Variants in DDX31 observed in about 807,000 individuals in gnomAD.
DDX31 encodes ATP-dependent DNA helicase DDX31.
DDX31 carries 70 observed loss-of-function variants against 91.3 expected under a neutral mutation model. The ratio of observed to expected loss-of-function variants is 0.77; its 90% CI spans 0.63 to 0.94. DDX31 has a LOEUF of 0.94. Among genes scored for constraint, DDX31 ranks in the 40% least tolerant of loss-of-function variants. The pLI is 0.00. For synonymous variants in DDX31, 362 were observed against 350.6 expected (o/e 1.03, Z -0.36); for missense variants, 902 against 925.0 (o/e 0.98, Z 0.32).
chr9:132,632,517 T>C (rs1004449347), intron 14 of DDX31, among the ~76,000 whole-genome samples: 2 of 152,128 alleles, frequency 1.3e-5, no homozygotes, highest in Admixed American at 1.3e-4. Context: ...TTGATTTACA[T>C]TTTATCTGAA....
chr9:132,623,560 AAAAAAAAAG>A (rs1351374665), intron 17 of DDX31, among the ~76,000 whole-genome samples: 19 of 150,418 alleles, frequency 1.3e-4, no homozygotes, highest in African/African-American at 3.4e-4. Context: ...TCAAAAAAAA[AAAAAAAAAG>A]AAAAAAAAAA....
chr9:132,661,016 T>G, intron 4 of DDX31, 192 bp downstream of exon 4: 1 of 604,006 alleles, frequency 1.7e-6, no homozygotes, highest in Admixed American at 3.2e-5. Flanking sequence ...CAGAACTGGA[T>G]GGAAAGCCAG....
intron 18 of DDX31, among the ~76,000 whole-genome samples, chr9:132,614,144 A>C (rs1023438461): frequency 5.3e-5 from 8 of 152,170 alleles, no homozygotes; most frequent in African/African-American, 1.9e-4. Flanking sequence ...CAGTAATAAA[A>C]AGTGTCATTT....
intron 3 of DDX31, 119 bp from the exon 4 acceptor site, chr9:132,661,370 C>T (rs544232569): frequency 1.1e-6 from 1 of 884,900 alleles, no homozygotes; most frequent in East Asian, 2.6e-5. Flanking sequence ...AATTAAGTTC[C>T]TCCACCCAGG....
Position 132,661,209 on chromosome 9 carries a change from T to C in DDX31, c.451A>G (p.Ser151Gly), listed in dbSNP as rs1834915330. Residue 151 changes from serine to glycine, a missense_variant and splice_region_variant, in exon 4 of 20, where the codon AGT becomes GGT. Ser to Gly is a moderately conservative substitution (Grantham distance 56, BLOSUM62 0). Coordinates refer to ENST00000372159, the MANE Select transcript of DDX31 (RefSeq NM_022779.9). ...TCAAGAGGAGCCTGAAGTTCTTACC[T>C]GGTCATACTAGACATTTTTAAGACC... ...NTVLKMSSMT[S>G]VQKQSIPVLL... 2 of 1,610,600 alleles carry C rather than the reference T, an allele frequency of 1.2e-6. No individual in the cohort carries two copies. Among genetic ancestry groups the C allele is most frequent in the Non-Finnish European group, 8.5e-7 (1 of 1,177,650 alleles).
chr9:132,642,796 T>C (rs1372020116), intron 13 of DDX31, among the ~76,000 whole-genome samples: 1 of 151,930 alleles, frequency 6.6e-6, no homozygotes, highest in African/African-American at 2.4e-5. Flanking sequence ...ATTATTTACG[T>C]GACCAATGTT....
intron 16 of DDX31, among the ~76,000 whole-genome samples, chr9:132,626,393 G>A (rs1057025058): frequency 7.2e-5 from 11 of 152,204 alleles, no homozygotes; most frequent in Admixed American, 7.2e-4. Flanking sequence ...AAGCCACAAG[G>A]AGCCAGAACA....
intron 16 of DDX31, 30 bp from the exon 17 acceptor site, chr9:132,625,775 T>G: frequency 6.3e-7 from 1 of 1,593,718 alleles, no homozygotes; most frequent in Non-Finnish European, 8.6e-7. Flanking sequence ...GCAAGGTAAC[T>G]TTTTGCTCTT....
intron 1 of DDX31, among the ~76,000 whole-genome samples, chr9:132,668,128 G>C (rs985369057): frequency 3.9e-5 from 6 of 152,090 alleles, no homozygotes; most frequent in African/African-American, 9.7e-5. Flanking sequence ...CACTTGGCTA[G>C]CTGGACTCCT....
chr9:132,642,095 A>C (rs1833539912), intron 13 of DDX31, 32 bp from the exon 14 acceptor site: 3 of 1,604,320 alleles, frequency 1.9e-6, no homozygotes, highest in Non-Finnish European at 2.6e-6. Flanking sequence ...GAGCCTTACA[A>C]CTCAGAGACA....
At chr9:132,612,361 G>T in intron 18 of DDX31, 106 bp from the exon 19 acceptor site, 2 of 1,275,970 alleles carry the variant, frequency 1.6e-6, no homozygotes, top group Non-Finnish European at 2.2e-6. Flanking sequence ...GCCAGGCAAC[G>T]AAACATGAGC....
chr9:132,609,530 A>G (rs1831207255), intron 19 of DDX31, among the ~76,000 whole-genome samples: 1 of 152,162 alleles, frequency 6.6e-6, no homozygotes, highest in Non-Finnish European at 1.5e-5. Flanking sequence ...TGCTAATGAA[A>G]TCTCCAGTCA....
intron 14 of DDX31, among the ~76,000 whole-genome samples, chr9:132,632,366 T>TAGGGGCAAATTCTAC: frequency 6.6e-6 from 1 of 151,006 alleles, no homozygotes; most frequent in South Asian, 2.1e-4. Context: ...AATTCTGATT[T>TAGGGGCAAATTCTAC]AGGGGCAAAT....
At chr9:132,653,901 T>C (rs983452173) in intron 6 of DDX31, among the ~76,000 whole-genome samples, 2 of 131,584 alleles carry the variant, frequency 1.5e-5, no homozygotes, top group African/African-American at 6.1e-5. Flanking sequence ...TTAAAATAAT[T>C]TAAAGCTACA....
chr9:132,597,428 C>A (rs963202397), intron 19 of DDX31, among the ~76,000 whole-genome samples: 73 of 152,106 alleles, frequency 4.8e-4, no homozygotes, highest in African/African-American at 1.7e-3. Flanking sequence ...GGAAGGAATG[C>A]TTTTTCTTCC....
At chr9:132,666,349 T>TA (rs769117514) in intron 1 of DDX31, among the ~76,000 whole-genome samples, 54 of 144,880 alleles carry the variant, frequency 3.7e-4, no homozygotes, top group Middle Eastern at 6.9e-3. Context: ...TTTGATAAGT[T>TA]AAAAAAAAAA....
chr9:132,642,475 GA>G (rs900556862), intron 13 of DDX31, among the ~76,000 whole-genome samples: 2 of 152,104 alleles, frequency 1.3e-5, no homozygotes, highest in Non-Finnish European at 2.9e-5. Context: ...TTTTTTAAAA[GA>G]TTAGATATTT....
At chr9:132,624,881 C>T (rs189641886) in intron 17 of DDX31, among the ~76,000 whole-genome samples, 89 of 152,310 alleles carry the variant, frequency 5.8e-4, no homozygotes, top group African/African-American at 2.0e-3. Flanking sequence ...CAAATACAGG[C>T]ACATGCTAAA....
intron 15 of DDX31, among the ~76,000 whole-genome samples, chr9:132,631,035 G>A (rs1832685851): frequency 6.6e-6 from 1 of 152,236 alleles, no homozygotes; most frequent in Non-Finnish European, 1.5e-5. Context: ...GCTTCTGCTT[G>A]CACGGAGAGC....
Sources: allele counts gnomAD v4.1 joint callset (sites outside exome capture counted in the v4.1 genomes callset), GRCh38; gene constraint gnomAD v4.1.1; transcripts MANE v1.5; gene names NCBI Gene and HGNC (gene_info 2026-07-23, HGNC 2026-07-21).